Variants in SGO2 observed in about 807,000 individuals in gnomAD.
The protein encoded by SGO2 is shugoshin 2, also known as shugoshin-like 2.
SGO2 carries 68 observed loss-of-function variants against 99.5 expected under a neutral mutation model. The observed-to-expected ratio is 0.68, with a 90% CI of 0.56 to 0.84. SGO2 has a LOEUF of 0.84. Ranked by LOEUF, SGO2 falls within the 40% of genes least tolerant of loss-of-function variation. The pLI is 0.00. For missense variants in SGO2, 1,350 were observed against 1,436.7 expected (o/e 0.94, Z 0.97); for synonymous variants, 457 against 487.1 (o/e 0.94, Z 0.81).
intron 2 of SGO2, among the ~76,000 whole-genome samples, chr2:200,533,869 C>T (rs2031557969): frequency 6.6e-6 from 1 of 152,188 alleles, no homozygotes; most frequent in Non-Finnish European, 1.5e-5. Context: ...TCTAGGGCCA[C>T]TCCTTACACT....
At chr2:200,560,751 G>C (rs2032907588) in intron 5 of SGO2, among the ~76,000 whole-genome samples, 1 of 152,134 alleles carries the variant, frequency 6.6e-6, no homozygotes, top group Non-Finnish European at 1.5e-5. Flanking sequence ...GATGGGTTTT[G>C]ACAAGGGTTA....
intron 8 of SGO2, chr2:200,575,932 A>C: frequency 4.7e-6 from 1 of 214,752 alleles, no homozygotes; most frequent in Non-Finnish European, 9.6e-6. Flanking sequence ...CAATTTATCC[A>C]TTCCTCAGGT....
Position 200,575,320 on chromosome 2 carries a change from C to T in SGO2, c.3641C>T (p.Pro1214Leu). 3 of 1,565,612 alleles carry T rather than the reference C, an allele frequency of 1.9e-6. No homozygotes were observed. Among genetic ancestry groups the T allele is most frequent in the Non-Finnish European group, 2.6e-6 (3 of 1,151,898 alleles). The change falls in exon 8 of 9, where the codon CCA (proline) becomes CTA (leucine). Residue 1214 changes from proline to leucine, a missense_variant. By Grantham distance (98) the Pro-to-Leu change is moderately conservative (BLOSUM62 -3). Transcript: ENST00000357799. The part of the protein sequence containing the change: ...RTQKSGIGDR[P>L]LQDLSNTSFV... ...TAATATTCTTTTTCAGGTGATAGAC[C>T]ATTACAGGACTTGTCAAATACCAGT... is the stretch of plus-strand genomic sequence containing the variant.
intron 5 of SGO2, among the ~76,000 whole-genome samples, chr2:200,551,096 C>G (rs1357892792): frequency 6.6e-6 from 1 of 151,690 alleles, no homozygotes; most frequent in Non-Finnish European, 1.5e-5. Flanking sequence ...TGAAAATATA[C>G]CTTCCATATG....
intron 8 of SGO2, among the ~76,000 whole-genome samples, chr2:200,581,464 C>T (rs1031778152): frequency 6.6e-6 from 1 of 151,990 alleles, no homozygotes; most frequent in Non-Finnish European, 1.5e-5. Flanking sequence ...AAAATGTCCT[C>T]ATTTGTCATG....
At position 200,571,398 on chromosome 2, in the gene SGO2, A is replaced by T. The variant is rs2033417529; in HGVS notation, c.1052A>T (p.Asn351Ile). 1 of 1,609,944 alleles carries T rather than the reference A, an allele frequency of 6.2e-7. No homozygotes were observed. Among genetic ancestry groups the T allele is most frequent in the East Asian group, 2.2e-5 (1 of 44,768 alleles). ...GAGTGCATGAATCAAATTGAGGATA[A>T]TGATGACTTTCAATTGCAGAAAACT... ...NAECMNQIED[N>I]DDFQLQKTVY... is the part of the protein sequence containing the mutation. The change falls in exon 7 of 9, where the codon AAT becomes ATT. Residue 351 changes from asparagine to isoleucine, a missense_variant. Physicochemically the swap from Asn to Ile is moderately radical, Grantham distance 149 (BLOSUM62 -3). Coordinates refer to ENST00000357799, the MANE Select transcript of SGO2 (RefSeq NM_152524.6).
chr2:200,569,992 T>C, intron 6 of SGO2, 100 bp downstream of exon 6: 1 of 744,852 alleles, frequency 1.3e-6, no homozygotes, highest in Non-Finnish European at 2.2e-6. Flanking sequence ...ATAAGTTAGC[T>C]CTCTTATGTT....
In SGO2 at chr2:200,537,495, C is replaced by T. The variant is rs527881104; in HGVS notation, c.387+1353C>T. 5.8e-4 allele frequency among the ~76,000 whole-genome samples: 89 copies of T among 152,216 alleles called. No homozygotes were observed. The East Asian group carries it at 0.015, about 25-fold the overall frequency. On this transcript the variant is annotated intron_variant, in intron 4 of 8. Coordinates refer to ENST00000357799, the MANE Select transcript of SGO2 (RefSeq NM_152524.6). Reference sequence around the variant, plus strand: ...TTGATGTCCATGTTGCGAAAACCCACGGATAATTCTTGGTTCTTCTATTGA... The same window carrying T: ...TTGATGTCCATGTTGCGAAAACCCATGGATAATTCTTGGTTCTTCTATTGA...
chr2:200,580,460 G>T, intron 8 of SGO2: 2 of 431,342 alleles, frequency 4.6e-6, no homozygotes, highest in Non-Finnish European at 9.4e-6. Context: ...TTCCTTCTTT[G>T]TGTTTTCTTT....
intron 5 of SGO2, among the ~76,000 whole-genome samples, chr2:200,548,573 A>C (rs1028658203): frequency 6.6e-6 from 1 of 152,206 alleles, no homozygotes; most frequent in Non-Finnish European, 1.5e-5. Context: ...AAGCAAGAAC[A>C]AAGCAAATCC....
chr2:200,556,256 G>A (rs777524212), intron 5 of SGO2, among the ~76,000 whole-genome samples: 2 of 152,144 alleles, frequency 1.3e-5, no homozygotes, highest in Non-Finnish European at 2.9e-5. Flanking sequence ...ATGAGCCACC[G>A]TGCTAAGTCG....
intron 7 of SGO2, among the ~76,000 whole-genome samples, chr2:200,574,412 A>G: frequency 6.6e-6 from 1 of 152,042 alleles, no homozygotes; most frequent in Non-Finnish European, 1.5e-5. Flanking sequence ...ACCCTTCTAG[A>G]TATTATAGAG....
chr2:200,570,984 ATTTG>A lies in SGO2; in HGVS notation c.704-62_704-59del, dbSNP rs2033390063. Reference sequence around the variant, plus strand: ...GTGAAACAGCTTGATTTCGAATCTAATTTGTTTAAGGTAACTTATTTATTTCATT... The same window carrying A: ...GTGAAACAGCTTGATTTCGAATCTAATTTAAGGTAACTTATTTATTTCATT... On this transcript the variant is annotated intron_variant, in intron 6 of 8. Coordinates refer to ENST00000357799, the MANE Select transcript of SGO2 (RefSeq NM_152524.6). This position sits in a 1 kb window ranked among gnomAD's most constrained non-coding sequence, Gnocchi z 4.4. 20 of 1,417,780 alleles carry A rather than the reference ATTTG, an allele frequency of 1.4e-5. No individual in the cohort carries two copies. The highest frequency in any genetic ancestry group is 2.4e-5 in the Admixed American group (1 of 41,582). 87.8% of individuals were successfully genotyped at this position (1,417,780 alleles called of 1,614,324 possible). A position where few individuals can be genotyped will look rare whatever the true frequency, so the allele number is the denominator to read the frequency against.
chr2:200,583,605 C>T lies in SGO2; in HGVS notation c.*141C>T, dbSNP rs1343156853. On this transcript the variant is annotated 3_prime_UTR_variant, in exon 9 of 9. Transcript: ENST00000357799. ...GCCTTTCATGGAGTGTTGATTTGTC[C>T]ATTCTTAATGTTTATTAATAGGTAT... 1 of 618,914 alleles carries T rather than the reference C, an allele frequency of 1.6e-6. No individual in the cohort carries two copies. 38.3% of individuals were successfully genotyped at this position (618,914 alleles called of 1,614,324 possible).
intron 5 of SGO2, among the ~76,000 whole-genome samples, chr2:200,550,872 A>T (rs1026209591): frequency 6.6e-6 from 1 of 152,160 alleles, no homozygotes; most frequent in Non-Finnish European, 1.5e-5. Context: ...CTGCACAGCA[A>T]CGGAAACAAT....
rs374373891 is a variant in SGO2, at chr2:200,573,984, T to G, written c.3631+7T>G. ...ACCCAAAAATCAGGAATAGGTAGGT[T>G]AATAACCATTATGAAATGATAAAGT... On this transcript the variant is annotated splice_region_variant and intron_variant, in intron 7 of 8. Transcript: ENST00000357799. 1.1e-4 allele frequency: 164 copies of G among 1,538,206 alleles called. No individual in the cohort carries two copies. The highest frequency in any genetic ancestry group is 6.7e-4 in the Admixed American group (31 of 45,982).
intron 5 of SGO2, among the ~76,000 whole-genome samples, chr2:200,561,483 A>G (rs912423889): frequency 6.6e-6 from 1 of 152,116 alleles, no homozygotes; most frequent in African/African-American, 2.4e-5. Context: ...GTTGGTTCCA[A>G]GTCTTTGCTA....
At chr2:200,561,112 G>C (rs2032939012) in intron 5 of SGO2, among the ~76,000 whole-genome samples, 1 of 152,104 alleles carries the variant, frequency 6.6e-6, no homozygotes, top group Admixed American at 6.5e-5. Flanking sequence ...TGTTACATAT[G>C]TATACATCTG....
At position 200,570,007 on chromosome 2, in the gene SGO2, AT is replaced by A; in HGVS notation, c.703+118del. Reference sequence around the variant, plus strand: ...ATAAGTTAGCTCTCTTATGTTACCGATTTGCTAACTTCTGCCATTTAAAACT... The same window carrying A: ...ATAAGTTAGCTCTCTTATGTTACCGATTGCTAACTTCTGCCATTTAAAACT... On this transcript the variant is annotated intron_variant, in intron 6 of 8. Transcript: ENST00000357799. The surrounding 1 kb of genome is among the most constrained non-coding windows in gnomAD (Gnocchi z 4.4). 3.0e-6 allele frequency: 2 copies of A among 676,450 alleles called. No individual in the cohort carries two copies. The highest frequency in any genetic ancestry group is 2.5e-6 in the Non-Finnish European group (1 of 401,718). 41.9% of individuals were successfully genotyped at this position (676,450 alleles called of 1,614,324 possible). A position where few individuals can be genotyped will look rare whatever the true frequency, so the allele number is the denominator to read the frequency against.
Sources: allele counts gnomAD v4.1 joint callset (sites outside exome capture counted in the v4.1 genomes callset), GRCh38; gene constraint gnomAD v4.1.1; non-coding constraint Gnocchi (gnomAD v3.1); transcripts MANE v1.5; gene names NCBI Gene and HGNC (gene_info 2026-07-23, HGNC 2026-07-21).